Variants in KDM4A observed in about 807,000 individuals in gnomAD.
KDM4A encodes the protein lysine-specific demethylase 4A.
In KDM4A, 23 loss-of-function variants were observed where a neutral mutation model predicts 127.1. That is an observed-to-expected ratio of 0.18 (90% CI 0.13 to 0.26). The LOEUF (loss-of-function observed/expected upper bound fraction) is 0.26. Ranked by LOEUF, KDM4A falls within the 10% of genes least tolerant of loss-of-function variation. The probability of loss-of-function intolerance (pLI) is 1.00; values close to 1 mark genes in which losing one functional copy is unlikely to be tolerated. For synonymous variants in KDM4A, 443 were observed against 466.5 expected (o/e 0.95, Z 0.65); for missense variants, 890 against 1,329.1 (o/e 0.67, Z 5.14).
rs926190971 is a variant in KDM4A, at chr1:43,704,494, A to T, written c.*124A>T. The T allele has an allele frequency of 5.6e-6, 6 of 1,071,742 alleles. No individual in the cohort carries two copies. The highest frequency in any genetic ancestry group is 8.1e-6 in the Non-Finnish European group (6 of 736,404). 66.4% of individuals were successfully genotyped at this position (1,071,742 alleles called of 1,614,324 possible). A position where few individuals can be genotyped will look rare whatever the true frequency, so the allele number is the denominator to read the frequency against. On this transcript the variant is annotated 3_prime_UTR_variant, in exon 22 of 22. Coordinates refer to ENST00000372396, the MANE Select transcript of KDM4A (RefSeq NM_014663.3). ...GTTGTAAAAAGAAAAGGAATGAAAT[A>T]ACCGACCCATCATCTTCTCACCCAC...
At position 43,653,311 on chromosome 1, in the gene KDM4A, A is replaced by C. The variant is rs1425242812; in HGVS notation, c.136A>C (p.Lys46Gln). The C allele has an allele frequency of 3.1e-6, 5 of 1,610,274 alleles. No homozygotes were observed. The highest frequency in any genetic ancestry group is 4.2e-6 in the Non-Finnish European group (5 of 1,178,350). The change falls in exon 2 of 22, where the codon AAG (lysine) becomes CAG (glutamine). Residue 46 changes from lysine (K) to glutamine (Q), a missense_variant and splice_region_variant. Transcript: ENST00000372396. ...AGGAGCTCATCGGGCAGGGCTAGCC[A>C]AGGTAAGGAGCTGGGATTGTTCAAA... is the stretch of plus-strand genomic sequence containing the variant. ...SQGAHRAGLA[K>Q]VVPPKEWKPR...
chr1:43,662,475 G>C (rs1292296810), intron 4 of KDM4A, among the ~76,000 whole-genome samples: 2 of 152,128 alleles, frequency 1.3e-5, no homozygotes, highest in African/African-American at 2.4e-5. Context: ...GGGCATGGTG[G>C]TGGGTGCCTG....
intron 11 of KDM4A, among the ~76,000 whole-genome samples, chr1:43,678,194 T>C (rs1553232720): frequency 6.6e-6 from 1 of 152,054 alleles, no homozygotes; most frequent in Non-Finnish European, 1.5e-5. Context: ...GGGGGACTTT[T>C]GTGAGGTAGG....
intron 15 of KDM4A, among the ~76,000 whole-genome samples, chr1:43,691,983 A>C (rs900303523): frequency 6.6e-6 from 1 of 152,208 alleles, no homozygotes; most frequent in Non-Finnish European, 1.5e-5. Flanking sequence ...AGTTTGAGCA[A>C]AGTATCTTTT....
intron 19 of KDM4A, among the ~76,000 whole-genome samples, chr1:43,702,955 C>T (rs983100047): frequency 6.6e-6 from 1 of 151,870 alleles, no homozygotes; most frequent in Non-Finnish European, 1.5e-5. Context: ...TGCTAGAACC[C>T]AGGAGGCTGA....
chr1:43,676,173 C>T (rs1660737326), intron 11 of KDM4A, among the ~76,000 whole-genome samples: 1 of 151,764 alleles, frequency 6.6e-6, no homozygotes, highest in Non-Finnish European at 1.5e-5. Flanking sequence ...ACCTGTGGTC[C>T]CAGCACTTTG....
At position 43,704,520 on chromosome 1, in the gene KDM4A, C is replaced by T; in HGVS notation, c.*150C>T. 1 of 832,866 alleles carries T rather than the reference C, an allele frequency of 1.2e-6. No homozygotes were observed. Among genetic ancestry groups the T allele is most frequent in the Non-Finnish European group, 1.9e-6 (1 of 536,288 alleles). 51.6% of individuals were successfully genotyped at this position (832,866 alleles called of 1,614,324 possible). A position where few individuals can be genotyped will look rare whatever the true frequency, so the allele number is the denominator to read the frequency against. On this transcript the variant is annotated 3_prime_UTR_variant, in exon 22 of 22. Coordinates refer to ENST00000372396, the MANE Select transcript of KDM4A (RefSeq NM_014663.3). The stretch of plus-strand genomic sequence containing the variant: ...ACCGACCCATCATCTTCTCACCCAC[C>T]CTCATTGCATTCCGCTGTAGTGAAA...
At chr1:43,653,103 T>A in intron 1 of KDM4A, 34 bp from the exon 2 acceptor site, 4 of 1,128,370 alleles carry the variant, frequency 3.5e-6, no homozygotes, top group Non-Finnish European at 4.8e-6. Flanking sequence ...TTTTAATTTT[T>A]ATATTATTTT....
intron 19 of KDM4A, among the ~76,000 whole-genome samples, chr1:43,698,831 C>T (rs1348699852): frequency 6.6e-6 from 1 of 152,194 alleles, no homozygotes; most frequent in East Asian, 1.9e-4. Context: ...CTCTGACGCC[C>T]AGGCTGGAGT....
At chr1:43,672,773 C>T (rs1469771973) in intron 11 of KDM4A, among the ~76,000 whole-genome samples, 1 of 152,182 alleles carries the variant, frequency 6.6e-6, no homozygotes, top group Non-Finnish European at 1.5e-5. Flanking sequence ...GGATTACAGG[C>T]GTGAACCACC....
Position 43,693,946 on chromosome 1 carries a change from A to G in KDM4A, c.2376-48A>G. ...CAGCAGGCCCAAAAGAGAAGGCCAC[A>G]GAGCCTTGGGCCCAGAGGTGACTGA... On this transcript the variant is annotated intron_variant, in intron 16 of 21. Coordinates refer to ENST00000372396, the MANE Select transcript of KDM4A (RefSeq NM_014663.3). This position sits in a 1 kb window ranked among gnomAD's most constrained non-coding sequence, Gnocchi z 4.2. 1 of 1,525,030 alleles carries G rather than the reference A, an allele frequency of 6.6e-7. No individual in the cohort carries two copies. Among genetic ancestry groups the G allele is most frequent in the Non-Finnish European group, 9.1e-7 (1 of 1,100,610 alleles). The allele number at this position is 1,525,030 out of a possible 1,614,324, so 94.5% of individuals were successfully genotyped here. A position where few individuals can be genotyped will look rare whatever the true frequency, so the allele number is the denominator to read the frequency against.
At chr1:43,679,486 A>G (rs181884988) in intron 11 of KDM4A, among the ~76,000 whole-genome samples, 2 of 152,280 alleles carry the variant, frequency 1.3e-5, no homozygotes, top group East Asian at 1.9e-4. Flanking sequence ...TTTGTAGACA[A>G]CTGGGTTCCT....
intron 1 of KDM4A, among the ~76,000 whole-genome samples, chr1:43,651,873 C>T (rs1019989893): frequency 2.0e-5 from 3 of 152,160 alleles, no homozygotes; most frequent in African/African-American, 7.2e-5. Flanking sequence ...CGTGTATTGC[C>T]AGTTTAAATT....
Position 43,671,805 on chromosome 1 carries a change from CTG to C in KDM4A, c.1667_1668del (p.Val556GlyfsTer13). 6.2e-7 allele frequency: 1 copy of C among 1,607,916 alleles called. No individual in the cohort carries two copies. The highest frequency in any genetic ancestry group is 8.5e-7 in the Non-Finnish European group (1 of 1,177,030). On this transcript the variant is annotated frameshift_variant, in exon 11 of 22. Transcript: ENST00000372396. LOFTEE classifies it high-confidence loss of function. Reference sequence around the variant, plus strand: ...TATGCCAAAGGGGATGGCAGGGTCACTGTGGGAGAGCCATGCACGAGGAAGAA... The same window carrying C: ...TATGCCAAAGGGGATGGCAGGGTCACTGGGAGAGCCATGCACGAGGAAGAA...
At chr1:43,663,211 T>G (rs927882747) in intron 5 of KDM4A, 124 bp downstream of exon 5, 54 of 800,754 alleles carry the variant, frequency 6.7e-5, no homozygotes, top group African/African-American at 3.5e-4. Context: ...TGGGGTGACA[T>G]TCCATGTTTT....
intron 11 of KDM4A, among the ~76,000 whole-genome samples, chr1:43,678,757 T>G (rs1452166767): frequency 6.6e-6 from 1 of 151,946 alleles, no homozygotes; most frequent in Non-Finnish European, 1.5e-5. Context: ...CCAGCTAAGT[T>G]TTTTATTTTT....
intron 19 of KDM4A, among the ~76,000 whole-genome samples, chr1:43,700,780 G>C (rs1362528401): frequency 6.6e-6 from 1 of 152,090 alleles, no homozygotes; most frequent in Non-Finnish European, 1.5e-5. Context: ...GTTTCATACT[G>C]TTAACACTAA....
rs78418435 is a variant in KDM4A at position 43,667,073 on chromosome 1, C to G, written c.897C>G (p.Tyr299Ter). The stretch of plus-strand genomic sequence containing the variant: ...TTGCTACCCGTCGGTGGATTGAGTA[C>G]GGCAAGCAAGCTGTGCTGGTAAGTC... Reference protein sequence around the residue: ...TNFATRRWIEYGKQAVLCSCR... With the variant: ...TNFATRRWIE Residue 299 changes from tyrosine (Y) to a stop codon, truncating the protein, a stop_gained, in exon 8 of 22, where the codon TAC (tyrosine) becomes TAG (stop). Transcript: ENST00000372396. LOFTEE classifies it high-confidence loss of function. 1.2e-6 allele frequency: 2 copies of G among 1,614,104 alleles called. No homozygotes were observed. Among genetic ancestry groups the G allele is most frequent in the Non-Finnish European group, 8.5e-7 (1 of 1,180,030 alleles).
At chr1:43,667,191 G>A in intron 8 of KDM4A, 100 bp downstream of exon 8, 2 of 1,351,848 alleles carry the variant, frequency 1.5e-6, no homozygotes, top group East Asian at 2.3e-5. Context: ...TGAGCTGCTG[G>A]AATTCAGAAA....
Sources: allele counts gnomAD v4.1 joint callset (sites outside exome capture counted in the v4.1 genomes callset), GRCh38; gene constraint gnomAD v4.1.1; non-coding constraint Gnocchi (gnomAD v3.1); transcripts MANE v1.5; gene names NCBI Gene and HGNC (gene_info 2026-07-23, HGNC 2026-07-21).